Variants in CTNND2 observed in about 807,000 individuals in gnomAD.
The protein encoded by CTNND2 is catenin delta-2.
CTNND2 carries 22 observed loss-of-function variants against 144.4 expected under a neutral mutation model. That is an observed-to-expected ratio of 0.15 (90% CI 0.11 to 0.22). The LOEUF is 0.22. Ranked by LOEUF, CTNND2 falls within the 10% of genes least tolerant of loss-of-function variation. The probability of loss-of-function intolerance (pLI) is 1.00; values close to 1 mark genes in which losing one functional copy is unlikely to be tolerated. For missense variants in CTNND2, 1,353 were observed against 1,618.8 expected (o/e 0.84, Z 2.82); for synonymous variants, 751 against 695.6 (o/e 1.08, Z -1.25).
At chr5:11,745,127 A>G (rs186508775) in intron 1 of CTNND2, among the ~76,000 whole-genome samples, 6 of 152,214 alleles carry the variant, frequency 3.9e-5, no homozygotes, top group East Asian at 3.9e-4. Context: ...ATAACGTACT[A>G]TATTATCATT....
At chr5:11,744,668 A>T (rs911498042) in intron 1 of CTNND2, among the ~76,000 whole-genome samples, 1 of 98,652 alleles carries the variant, frequency 1.0e-5, no homozygotes, top group Non-Finnish European at 2.3e-5. Flanking sequence ...CTTGAAGAGG[A>T]GTGTGTGTGT....
At chr5:11,215,519 G>A (rs61750757) in intron 10 of CTNND2, among the ~76,000 whole-genome samples, 2,639 of 152,298 alleles carry the variant, frequency 0.017, 87 homozygotes, top group African/African-American at 0.061. Context: ...GTGAAATAGT[G>A]TAGCACTCAG....
rs544571995 is a variant in CTNND2 at position 11,609,830 on chromosome 5, G to A, written c.175-44774C>T. 2.0e-5 allele frequency among the ~76,000 whole-genome samples: 3 copies of A among 152,278 alleles called. No homozygotes were observed. The East Asian group carries it at 5.8e-4, about 29-fold the overall frequency. On this transcript the variant is annotated intron_variant, in intron 2 of 21. Transcript: ENST00000304623. Reference sequence around the variant, plus strand: ...GAGCCTTCTGCATCTGCAGCTGTGGGATCTTGACCTCATGACCAAGTGACA... The same window carrying A: ...GAGCCTTCTGCATCTGCAGCTGTGGAATCTTGACCTCATGACCAAGTGACA...
chr5:11,424,050 T>C (rs1181735789), intron 3 of CTNND2, among the ~76,000 whole-genome samples: 1 of 152,210 alleles, frequency 6.6e-6, no homozygotes, highest in African/African-American at 2.4e-5. Context: ...CTTTTGACCA[T>C]CTGAGTCATC....
intron 1 of CTNND2, among the ~76,000 whole-genome samples, chr5:11,833,291 T>C (rs1406103589): frequency 6.6e-6 from 1 of 152,208 alleles, no homozygotes; most frequent in African/African-American, 2.4e-5. Flanking sequence ...TACTACTCAG[T>C]ATTTTTTTAA....
At position 11,043,123 on chromosome 5, in the gene CTNND2, T is replaced by G. The variant is rs547040171; in HGVS notation, c.2789-20144A>C. Among the ~76,000 whole-genome samples, 4 of 152,164 alleles carry G rather than the reference T, an allele frequency of 2.6e-5. No homozygotes were observed. In the East Asian group the frequency reaches 7.7e-4, roughly 29 times the overall value. ...TTTAGGATAAAGGAATTGGGCCTCT[T>G]TTGTATTTTTATAGTACACAGAATT... On this transcript the variant is annotated intron_variant, in intron 16 of 21. Transcript: ENST00000304623.
intron 3 of CTNND2, among the ~76,000 whole-genome samples, chr5:11,560,310 A>C (rs1485206246): frequency 6.6e-6 from 1 of 152,028 alleles, no homozygotes; most frequent in Non-Finnish European, 1.5e-5. Context: ...TGTTGGTCAC[A>C]CTCCTCATAA....
intron 3 of CTNND2, among the ~76,000 whole-genome samples, chr5:11,544,679 C>A (rs572804803): frequency 1.3e-5 from 2 of 152,220 alleles, no homozygotes. Context: ...AGCAAATCAG[C>A]AATTAAAAGG....
chr5:11,550,483 G>A (rs928036988), intron 3 of CTNND2, among the ~76,000 whole-genome samples: 2 of 152,182 alleles, frequency 1.3e-5, no homozygotes, highest in African/African-American at 4.8e-5. Flanking sequence ...AAATTTCGAG[G>A]AAAGTTGGCA....
At chr5:11,473,515 A>G (rs751368908) in intron 3 of CTNND2, among the ~76,000 whole-genome samples, 1 of 152,264 alleles carries the variant, frequency 6.6e-6, no homozygotes, top group Non-Finnish European at 1.5e-5. Flanking sequence ...TTTCCAGAGC[A>G]GTAAAAAAGG....
At chr5:11,124,418 G>C (rs1293437048) in intron 12 of CTNND2, among the ~76,000 whole-genome samples, 2 of 152,132 alleles carry the variant, frequency 1.3e-5, no homozygotes, top group East Asian at 3.9e-4. Flanking sequence ...GTGAGAATGG[G>C]AAATTATGCC....
rs1779857378 is a variant in CTNND2, at chr5:11,602,680, G to C, written c.175-37624C>G. Among the ~76,000 whole-genome samples, 3 of 143,942 alleles carry C rather than the reference G, an allele frequency of 2.1e-5. No homozygotes were observed. The East Asian group carries it at 5.9e-4, about 28-fold the overall frequency. 94.4% of individuals were successfully genotyped at this position (143,942 alleles called of 152,430 possible). A position where few individuals can be genotyped will look rare whatever the true frequency, so the allele number is the denominator to read the frequency against. On this transcript the variant is annotated intron_variant, in intron 2 of 21. Coordinates refer to ENST00000304623, the MANE Select transcript of CTNND2 (RefSeq NM_001332.4). ...TATATTATATATAATATATATTATAGAAAATTATATATAGTATATATTTCA... is the reference window on the plus strand; with the variant it reads ...TATATTATATATAATATATATTATACAAAATTATATATAGTATATATTTCA...
At chr5:11,302,629 G>A (rs1214760598) in intron 9 of CTNND2, among the ~76,000 whole-genome samples, 1 of 152,202 alleles carries the variant, frequency 6.6e-6, no homozygotes, top group African/African-American at 2.4e-5. Context: ...GGTCTCCAGT[G>A]ATGCTTCACC....
intron 3 of CTNND2, among the ~76,000 whole-genome samples, chr5:11,504,401 A>G (rs990779580): frequency 2.6e-5 from 4 of 152,216 alleles, no homozygotes; most frequent in Non-Finnish European, 5.9e-5. Flanking sequence ...CAGTCTTTAA[A>G]AAAATTGTAT....
chr5:11,353,845 T>C (rs1580994110), intron 8 of CTNND2, among the ~76,000 whole-genome samples: 1 of 152,234 alleles, frequency 6.6e-6, no homozygotes. Flanking sequence ...CTTTGGCTTC[T>C]TCTTCAGAAA....
chr5:11,296,354 G>T (rs1748997410), intron 9 of CTNND2, among the ~76,000 whole-genome samples: 1 of 152,096 alleles, frequency 6.6e-6, no homozygotes, highest in African/African-American at 2.4e-5. Context: ...AGAGGATGTG[G>T]AGAAAAAGGA....
intron 3 of CTNND2, among the ~76,000 whole-genome samples, chr5:11,491,083 T>C (rs576320371): frequency 6.6e-6 from 1 of 152,328 alleles, no homozygotes; most frequent in South Asian, 2.1e-4. Flanking sequence ...GCAAGATGAA[T>C]GTGACCATCT....
chr5:11,557,027 T>C (rs536474238), intron 3 of CTNND2, among the ~76,000 whole-genome samples: 57 of 152,276 alleles, frequency 3.7e-4, no homozygotes, highest in African/African-American at 1.3e-3. Context: ...TACGAATGCA[T>C]GCATATATGC....
chr5:11,111,916 G>T (rs1016889617), intron 13 of CTNND2, among the ~76,000 whole-genome samples: 1 of 150,802 alleles, frequency 6.6e-6, no homozygotes, highest in East Asian at 1.9e-4. Context: ...GCGCGATCTC[G>T]GCTCACTGCA....
Sources: gnomAD v4.1 joint callset for allele counts (sites outside exome capture counted in the v4.1 genomes callset) on GRCh38, gnomAD v4.1.1 for gene constraint, MANE v1.5 for transcripts, NCBI Gene and HGNC (gene_info 2026-07-23, HGNC 2026-07-21) for gene names.